ANO10: variants seen among roughly 807,000 people sequenced by gnomAD.
ANO10 encodes the protein anoctamin-10.
Under a neutral mutation model 74.7 loss-of-function variants are expected in ANO10, and 77 were observed. That is an observed-to-expected ratio of 1.03 (90% confidence interval 0.86 to 1.25). ANO10 has a LOEUF of 1.25. Ranked by LOEUF, ANO10 falls within the 50% of genes most tolerant of loss-of-function variation. The probability of loss-of-function intolerance (pLI) is 0.00; values close to 1 mark genes in which losing one functional copy is unlikely to be tolerated. For synonymous variants in ANO10, 279 were observed against 284.9 expected (o/e 0.98, Z 0.21); for missense variants, 721 against 778.1 (o/e 0.93, Z 0.87).
chr3:43,407,403 G>A (rs569867812), intron 12 of ANO10, among the ~76,000 whole-genome samples: 11 of 152,232 alleles, frequency 7.2e-5, no homozygotes, highest in South Asian at 2.1e-4. Context: ...CAAATTGATC[G>A]CAGGTGCACT....
intron 12 of ANO10, among the ~76,000 whole-genome samples, chr3:43,418,232 G>C (rs566870550): frequency 6.6e-6 from 1 of 152,348 alleles, no homozygotes; most frequent in Admixed American, 6.5e-5. Flanking sequence ...AGCCAAGACA[G>C]TGCCATTGCA....
At chr3:43,539,487 AAGC>A (rs1186429577) in intron 11 of ANO10, among the ~76,000 whole-genome samples, 1 of 152,226 alleles carries the variant, frequency 6.6e-6, no homozygotes, top group Non-Finnish European at 1.5e-5. Context: ...TGAGGTTAGC[AAGC>A]AGGTCCCAGA....
At chr3:43,492,195 T>C (rs888879780) in intron 11 of ANO10, among the ~76,000 whole-genome samples, 5 of 152,164 alleles carry the variant, frequency 3.3e-5, no homozygotes, top group Non-Finnish European at 5.9e-5. Flanking sequence ...GGAGAAAAGA[T>C]TCCCTGTTTA....
At chr3:43,429,111 A>C (rs2092943331) in intron 12 of ANO10, among the ~76,000 whole-genome samples, 1 of 152,166 alleles carries the variant, frequency 6.6e-6, no homozygotes. Context: ...GAGGTCATTT[A>C]GCCATATCCA....
intron 1 of ANO10, among the ~76,000 whole-genome samples, chr3:43,635,072 G>A (rs908567832): frequency 7.2e-5 from 11 of 152,114 alleles, no homozygotes; most frequent in Admixed American, 5.9e-4. Context: ...GGAAAGGAGG[G>A]AGGGAGGGGT....
intron 2 of ANO10, among the ~76,000 whole-genome samples, chr3:43,603,718 A>C (rs1010429075): frequency 6.6e-6 from 1 of 152,244 alleles, no homozygotes; most frequent in Non-Finnish European, 1.5e-5. Context: ...GATGGAGCTC[A>C]TCAAGGATGG....
chr3:43,386,741 G>A (rs889806405), intron 12 of ANO10, among the ~76,000 whole-genome samples: 1 of 151,552 alleles, frequency 6.6e-6, no homozygotes, highest in Admixed American at 6.6e-5. Context: ...CAGGGGTCAT[G>A]CCTGGGCTGC....
rs57290936 is a variant in ANO10 at position 43,647,153 on chromosome 3, ATGTGTGTGTGTGTGTGTG to A, written c.-11-41308_-11-41291del. On this transcript the variant is annotated intron_variant, in intron 1 of 3. Transcript: ENST00000413397. The stretch of plus-strand genomic sequence containing the variant: ...CAGAACCAAAAAGATATGTGTATAT[ATGTGTGTGTGTGTGTGTG>A]TGTGTGTGTGTGTGTGTGTGTATTC... 9.9e-5 allele frequency among the ~76,000 whole-genome samples: 14 copies of A among 141,890 alleles called. No individual in the cohort carries two copies. In the East Asian group the frequency reaches 3.0e-3, roughly 30 times the overall value. 93.1% of individuals were successfully genotyped at this position (141,890 alleles called of 152,430 possible).
intron 1 of ANO10, among the ~76,000 whole-genome samples, chr3:43,611,189 G>C (rs1188687795): frequency 6.6e-6 from 1 of 152,134 alleles, no homozygotes; most frequent in Admixed American, 6.5e-5. Flanking sequence ...GGCTTTTAAG[G>C]GAGTGCTTCT....
chr3:43,590,578 G>A (rs1286900624), intron 4 of ANO10, among the ~76,000 whole-genome samples: 2 of 152,122 alleles, frequency 1.3e-5, no homozygotes, highest in Non-Finnish European at 2.9e-5. Context: ...GAGGATAGGG[G>A]AACAATGAGA....
At chr3:43,585,991 C>T (rs182164250) in intron 4 of ANO10, among the ~76,000 whole-genome samples, 202 of 152,196 alleles carry the variant, frequency 1.3e-3, no homozygotes, top group Non-Finnish European at 2.3e-3. Flanking sequence ...ACTAAAATTC[C>T]AAATCACAAA....
intron 1 of ANO10, among the ~76,000 whole-genome samples, chr3:43,656,580 G>A (rs1324834463): frequency 2.0e-5 from 3 of 152,246 alleles, no homozygotes; most frequent in Non-Finnish European, 4.4e-5. Context: ...CTGCGGGAAG[G>A]CAGCTAAGGC....
chr3:43,605,984 C>A, intron 1 of ANO10, 121 bp from the exon 2 acceptor site: 1 of 1,099,554 alleles, frequency 9.1e-7, no homozygotes. Flanking sequence ...AAGCAAATTT[C>A]TCGTGATTCA....
intron 1 of ANO10, among the ~76,000 whole-genome samples, chr3:43,612,702 G>A (rs2082888031): frequency 6.6e-6 from 1 of 152,162 alleles, no homozygotes; most frequent in Non-Finnish European, 1.5e-5. Flanking sequence ...ACAAAGGAGT[G>A]GCCAACACTG....
chr3:43,488,016 G>T (rs190839596), intron 11 of ANO10, among the ~76,000 whole-genome samples: 1 of 151,990 alleles, frequency 6.6e-6, no homozygotes, highest in Non-Finnish European at 1.5e-5. Flanking sequence ...ATAACGCCGC[G>T]TATCTACAAC....
intron 11 of ANO10, among the ~76,000 whole-genome samples, chr3:43,455,188 G>C (rs2075071646): frequency 6.6e-6 from 1 of 152,194 alleles, no homozygotes. Context: ...AAGAGCAAGG[G>C]AGGGAAGGAG....
intron 1 of ANO10, among the ~76,000 whole-genome samples, chr3:43,683,390 T>A (rs1474474025): frequency 6.6e-6 from 1 of 152,132 alleles, no homozygotes; most frequent in Non-Finnish European, 1.5e-5. Context: ...AAGGACCTCT[T>A]CAAGGAGGAC....
intron 1 of ANO10, among the ~76,000 whole-genome samples, chr3:43,656,124 A>G (rs542605875): frequency 1.4e-5 from 2 of 144,982 alleles, no homozygotes; most frequent in Non-Finnish European, 3.0e-5. Context: ...ACAGAATGCC[A>G]ACTGGTGTAT....
chr3:43,374,516 T>G (rs553158724), intron 12 of ANO10, among the ~76,000 whole-genome samples: 2 of 152,366 alleles, frequency 1.3e-5, no homozygotes, highest in South Asian at 4.1e-4. Context: ...ACCTACAGGC[T>G]GCCCGGCCCC....
Sources: allele counts gnomAD v4.1 joint callset (sites outside exome capture counted in the v4.1 genomes callset), GRCh38; gene constraint gnomAD v4.1.1; transcripts MANE v1.5; gene names NCBI Gene and HGNC (gene_info 2026-07-23, HGNC 2026-07-21).